Variants in DCC observed in about 807,000 individuals in gnomAD.
DCC encodes DCC netrin 1 receptor.
A neutral mutation model predicts 172.5 loss-of-function variants in DCC; 58 were observed. That is an observed-to-expected ratio of 0.34 (90% CI 0.27 to 0.42). The LOEUF (loss-of-function observed/expected upper bound fraction) is 0.42, where lower values mean the gene tolerates loss of function less well. Ranked by LOEUF, DCC falls within the 10% of genes least tolerant of loss-of-function variation. The pLI, the probability that DCC is intolerant of heterozygous loss-of-function variation, is 1.00. For synonymous variants in DCC, 709 were observed against 644.5 expected (o/e 1.10, Z -1.52); for missense variants, 1,740 against 1,791.0 (o/e 0.97, Z 0.51).
intron 1 of DCC, chr18:52,409,061 A>G (rs1227233543): frequency 3.9e-5 from 6 of 152,130 alleles, no homozygotes; most frequent in African/African-American, 4.8e-5. Flanking sequence ...ACTTCTTGTT[A>G]CAGAGAGAAA....
At chr18:53,306,266 T>A (rs1264396545) in intron 13 of DCC, among the ~76,000 whole-genome samples, 1 of 152,204 alleles carries the variant, frequency 6.6e-6, no homozygotes, top group Admixed American at 6.5e-5. Flanking sequence ...ATGTAAAGAA[T>A]ATATTTTTTT....
chr18:52,575,460 C>T (rs1167672660), intron 1 of DCC, among the ~76,000 whole-genome samples: 1 of 152,104 alleles, frequency 6.6e-6, no homozygotes, highest in East Asian at 1.9e-4. Context: ...ATAAAATGTT[C>T]TATTTTGTAC....
chr18:52,600,726 T>TTGG (rs767694020), intron 1 of DCC, among the ~76,000 whole-genome samples: 88 of 152,016 alleles, frequency 5.8e-4, no homozygotes, highest in Non-Finnish European at 8.8e-4. Context: ...ATTGTTGTTG[T>TTGG]TGGTGTTGTT....
At chr18:52,563,315 C>G (rs943132288) in intron 1 of DCC, among the ~76,000 whole-genome samples, 4 of 151,962 alleles carry the variant, frequency 2.6e-5, no homozygotes, top group East Asian at 1.9e-4. Flanking sequence ...GAAATAAAAC[C>G]CTCTTCAACT....
chr18:52,388,597 G>A (rs1034902359), intron 1 of DCC, among the ~76,000 whole-genome samples: 1 of 151,044 alleles, frequency 6.6e-6, no homozygotes, highest in Non-Finnish European at 1.5e-5. Flanking sequence ...AAAAACCTTT[G>A]CTAGGAGTAT....
chr18:52,923,535 A>G (rs530453542), intron 3 of DCC, among the ~76,000 whole-genome samples, 172 bp from the exon 4 acceptor site: 2 of 152,320 alleles, frequency 1.3e-5, no homozygotes, highest in South Asian at 4.1e-4. Context: ...GAATATTTCA[A>G]TATCATAATC....
rs148609490 is a variant in DCC, at chr18:52,809,832, G to A, written c.412+57458G>A. Among the ~76,000 whole-genome samples, 163 of 152,244 alleles carry A rather than the reference G, an allele frequency of 1.1e-3. 4 individuals are homozygous for A. In the East Asian group the frequency reaches 0.025, roughly 23 times the overall value. On this transcript the variant is annotated intron_variant, in intron 2 of 28. Coordinates refer to ENST00000442544, the MANE Select transcript of DCC (RefSeq NM_005215.4). Reference sequence around the variant, plus strand: ...GCCTGGGGTTTATATCTCAATCATTGTCCCTCCCCCTGTGCTCTCAGATGA... The same window carrying A: ...GCCTGGGGTTTATATCTCAATCATTATCCCTCCCCCTGTGCTCTCAGATGA...
intron 12 of DCC, among the ~76,000 whole-genome samples, chr18:53,228,253 T>TAA (rs199585422): frequency 6.6e-6 from 1 of 151,068 alleles, no homozygotes; most frequent in Admixed American, 6.6e-5. Context: ...ACGTTGTTAG[T>TAA]AAAAAAATAA....
At chr18:52,526,567 G>A (rs1568212969) in intron 1 of DCC, among the ~76,000 whole-genome samples, 1 of 151,954 alleles carries the variant, frequency 6.6e-6, no homozygotes, top group African/African-American at 2.4e-5. Flanking sequence ...ATGTCATCAT[G>A]GGTAAGTCTC....
intron 2 of DCC, among the ~76,000 whole-genome samples, chr18:52,766,646 C>G (rs1282855617): frequency 6.6e-6 from 1 of 152,026 alleles, no homozygotes; most frequent in Non-Finnish European, 1.5e-5. Flanking sequence ...AGCTGTTCCT[C>G]TGAAGTCAAG....
Position 52,927,108 on chromosome 18 carries a change from C to CGTATATACGT in DCC, c.985+1747_985+1756dup, listed in dbSNP as rs1429010791. Among the ~76,000 whole-genome samples the CGTATATACGT allele has an allele frequency of 2.3e-4, 24 of 104,882 alleles. 5 individuals are homozygous for CGTATATACGT. The highest frequency in any genetic ancestry group is 6.0e-4 in the African/African-American group (16 of 26,866). The allele number at this position is 104,882 out of a possible 152,430, so 68.8% of individuals were successfully genotyped here. On this transcript the variant is annotated intron_variant, in intron 5 of 28. Coordinates refer to ENST00000442544, the MANE Select transcript of DCC (RefSeq NM_005215.4). ...ATACACGTATATACGTGTATATACACGTATATACGTGTATATACACGTATA... is the reference window on the plus strand; with the variant it reads ...ATACACGTATATACGTGTATATACACGTATATACGTGTATATACGTGTATATACACGTATA...
At chr18:53,229,547 C>G in intron 12 of DCC, among the ~76,000 whole-genome samples, 1 of 152,090 alleles carries the variant, frequency 6.6e-6, no homozygotes, top group East Asian at 1.9e-4. Flanking sequence ...CTCCTCCCAG[C>G]TCTGTTTTCA....
At chr18:53,475,775 G>A (rs1186646857) in intron 25 of DCC, among the ~76,000 whole-genome samples, 1 of 152,216 alleles carries the variant, frequency 6.6e-6, no homozygotes, top group Admixed American at 6.5e-5. Context: ...ATCTAGTGGA[G>A]CTGTGAGAAG....
chr18:53,242,268 G>A (rs191544607), intron 12 of DCC, among the ~76,000 whole-genome samples: 1 of 152,188 alleles, frequency 6.6e-6, no homozygotes, highest in East Asian at 1.9e-4. Flanking sequence ...GTGTAGACCT[G>A]TAAACAACCT....
intron 5 of DCC, among the ~76,000 whole-genome samples, chr18:53,052,231 C>T (rs1469187267): frequency 6.6e-6 from 1 of 151,920 alleles, no homozygotes; most frequent in Non-Finnish European, 1.5e-5. Flanking sequence ...GTTGTTTTAT[C>T]CTCCAGTCTT....
At chr18:53,226,948 A>ATATATATATATTTTTT in intron 12 of DCC, among the ~76,000 whole-genome samples, 39 of 52,942 alleles carry the variant, frequency 7.4e-4, no homozygotes, top group African/African-American at 3.5e-3. Context: ...ATATATATAT[A>ATATATATATATTTTTT]TTTTTTTTTT....
At chr18:52,799,494 G>A (rs1191076768) in intron 2 of DCC, among the ~76,000 whole-genome samples, 2 of 152,158 alleles carry the variant, frequency 1.3e-5, no homozygotes, top group African/African-American at 4.8e-5. Flanking sequence ...CTACAATTGG[G>A]CAAAATCAAA....
At chr18:53,077,976 A>T (rs2042745036) in intron 7 of DCC, among the ~76,000 whole-genome samples, 1 of 152,214 alleles carries the variant, frequency 6.6e-6, no homozygotes, top group African/African-American at 2.4e-5. Flanking sequence ...AACCGTCTTG[A>T]GGTGAATATC....
chr18:53,480,263 A>T (rs2045816368), intron 25 of DCC, among the ~76,000 whole-genome samples: 1 of 152,132 alleles, frequency 6.6e-6, no homozygotes, highest in Admixed American at 6.6e-5. Flanking sequence ...TTTGATCTTA[A>T]CACATAGCTC....
Sources: gnomAD v4.1 joint callset for allele counts (sites outside exome capture counted in the v4.1 genomes callset) on GRCh38, gnomAD v4.1.1 for gene constraint, MANE v1.5 for transcripts, NCBI Gene and HGNC (gene_info 2026-07-23, HGNC 2026-07-21) for gene names.